The following PTPN13 variants were observed in gnomAD, a reference collection of about 807,000 sequenced individuals.
PTPN13 encodes tyrosine-protein phosphatase non-receptor type 13.
PTPN13 carries 191 observed loss-of-function variants against 284.0 expected under a neutral mutation model. The ratio of observed to expected loss-of-function variants is 0.67; its 90% confidence interval spans 0.60 to 0.76. PTPN13 has a LOEUF of 0.76. PTPN13 is among the 30% of genes least tolerant of loss of function. The pLI is 0.00. For missense variants in PTPN13, 2,797 were observed against 2,939.9 expected, an observed-to-expected ratio of 0.95 and a Z score of 1.12; for synonymous variants, 986 against 1,022.3, an observed-to-expected ratio of 0.96 and a Z score of 0.68.
chr4:86,774,553 G>T, intron 33 of PTPN13, 22 bp downstream of exon 33: 1 of 1,568,196 alleles, frequency 6.4e-7, no homozygotes, highest in Non-Finnish European at 8.6e-7. Context: ...AAGAGGAATG[G>T]ATTATTTGTG....
intron 6 of PTPN13, among the ~76,000 whole-genome samples, chr4:86,695,054 G>A (rs1377616706): frequency 6.6e-6 from 1 of 152,144 alleles, no homozygotes; most frequent in Non-Finnish European, 1.5e-5. Flanking sequence ...AGGAAGGAAT[G>A]TGTAAGTTAA....
chr4:86,678,168 G>A (rs1419853996), intron 3 of PTPN13, among the ~76,000 whole-genome samples: 1 of 152,146 alleles, frequency 6.6e-6, no homozygotes. Context: ...AATGTGTTGT[G>A]GGGAAAGGGT....
intron 26 of PTPN13, among the ~76,000 whole-genome samples, chr4:86,765,820 T>A (rs1739238300): frequency 1.3e-5 from 2 of 151,994 alleles, no homozygotes; most frequent in Non-Finnish European, 2.9e-5. Flanking sequence ...CTACACTTGT[T>A]TTTTTTGTTG....
chr4:86,608,541 T>C (rs1298801204), intron 1 of PTPN13, among the ~76,000 whole-genome samples: 4 of 152,112 alleles, frequency 2.6e-5, no homozygotes, highest in Non-Finnish European at 5.9e-5. Context: ...ATATACTGTT[T>C]AATAAAAATT....
chr4:86,813,646 T>C (rs1578743607), intron 47 of PTPN13, among the ~76,000 whole-genome samples: 1 of 151,956 alleles, frequency 6.6e-6, no homozygotes, highest in South Asian at 2.1e-4. Flanking sequence ...AGGCTGGTCT[T>C]GAACTCCTGG....
chr4:86,633,044 G>A (rs1161344413), intron 1 of PTPN13, among the ~76,000 whole-genome samples: 1 of 152,064 alleles, frequency 6.6e-6, no homozygotes, highest in Non-Finnish European at 1.5e-5. Context: ...GGCCTGAAGC[G>A]ATCCTCCTAC....
At chr4:86,680,589 C>T (rs1728796155) in intron 3 of PTPN13, among the ~76,000 whole-genome samples, 1 of 152,114 alleles carries the variant, frequency 6.6e-6, no homozygotes, top group African/African-American at 2.4e-5. Context: ...ACTCTTATTC[C>T]TGCTTCCTGA....
chr4:86,763,848 G>A (rs1319398263), intron 24 of PTPN13, among the ~76,000 whole-genome samples: 1 of 152,074 alleles, frequency 6.6e-6, no homozygotes, highest in Non-Finnish European at 1.5e-5. Flanking sequence ...AAGCCCAGGC[G>A]ATCGAGCCAG....
intron 10 of PTPN13, among the ~76,000 whole-genome samples, chr4:86,724,570 A>C (rs965044953): frequency 6.6e-6 from 1 of 152,184 alleles, no homozygotes; most frequent in African/African-American, 2.4e-5. Context: ...GTGATTAGAT[A>C]ATTTGAACTA....
intron 2 of PTPN13, among the ~76,000 whole-genome samples, chr4:86,659,139 A>G (rs1225432472): frequency 6.6e-6 from 1 of 152,172 alleles, no homozygotes; most frequent in East Asian, 1.9e-4. Flanking sequence ...TAAACATCAT[A>G]TATAATTTAA....
chr4:86,693,638 A>G lies in PTPN13; in HGVS notation c.598A>G (p.Ile200Val). 3 of 1,557,800 alleles carry G rather than the reference A, an allele frequency of 1.9e-6. No individual in the cohort carries two copies. The highest frequency in any genetic ancestry group is 2.6e-6 in the Non-Finnish European group (3 of 1,148,268). The change falls in exon 6 of 48, where the codon ATT becomes GTT. Residue 200 changes from isoleucine (I) to valine (V), a missense_variant. Coordinates refer to ENST00000411767, the MANE Select transcript of PTPN13 (RefSeq NM_080683.3). ...ACAAAAGCCTGATCGAAGCCAGGCT[A>G]TTCGAGATCGATTGCGAGGAAAAGG... ...SEQKPDRSQA[I>V]RDRLRGKGLP... is the part of the protein sequence containing the mutation.
At chr4:86,688,902 A>G in intron 4 of PTPN13, 103 bp from the exon 5 acceptor site, 1 of 779,416 alleles carries the variant, frequency 1.3e-6, no homozygotes, top group South Asian at 2.4e-5. Context: ...AAGTATGTGA[A>G]GTGTGTTTTA....
At chr4:86,622,857 T>G (rs1361445217) in intron 1 of PTPN13, among the ~76,000 whole-genome samples, 2 of 152,188 alleles carry the variant, frequency 1.3e-5, no homozygotes, top group Admixed American at 1.3e-4. Context: ...ACTTAGCATC[T>G]TCACTTGAAT....
At chr4:86,786,259 T>C (rs1406541005) in intron 40 of PTPN13, among the ~76,000 whole-genome samples, 1 of 152,172 alleles carries the variant, frequency 6.6e-6, no homozygotes, top group Admixed American at 6.5e-5. Context: ...AAGCATGAAA[T>C]AGTAGATAAA....
At chr4:86,665,492 T>C (rs1327711340) in intron 2 of PTPN13, among the ~76,000 whole-genome samples, 1 of 152,160 alleles carries the variant, frequency 6.6e-6, no homozygotes, top group Admixed American at 6.6e-5. Context: ...AAACACCAAT[T>C]TGACAAATGT....
At chr4:86,738,863 T>C (rs1735832982) in intron 15 of PTPN13, among the ~76,000 whole-genome samples, 2 of 152,130 alleles carry the variant, frequency 1.3e-5, no homozygotes, top group South Asian at 4.1e-4. Flanking sequence ...GTATTTTTCA[T>C]AGGGACAGGA....
Position 86,797,616 on chromosome 4 carries a change from A to G in PTPN13, c.6401+687A>G, listed in dbSNP as rs552477857. Reference sequence around the variant, plus strand: ...AATATTCTCTTAACTATTGGAAAAAATGAATGAAAGCGTGACCCTAAATGG... The same window carrying G: ...AATATTCTCTTAACTATTGGAAAAAGTGAATGAAAGCGTGACCCTAAATGG... On this transcript the variant is annotated intron_variant, in intron 41 of 47. Transcript: ENST00000411767. Among the ~76,000 whole-genome samples the G allele has an allele frequency of 5.3e-5, 8 of 152,314 alleles. No homozygotes were observed. The East Asian group carries it at 1.5e-3, about 29-fold the overall frequency.
At chr4:86,767,371 A>G (rs10213021) in intron 27 of PTPN13, among the ~76,000 whole-genome samples, 12,466 of 151,396 alleles carry the variant, frequency 0.082, 652 homozygotes, top group Non-Finnish European at 0.11. Context: ...TCGGCCTGTC[A>G]AGTAGCTGGG....
chr4:86,723,891 T>C (rs539509383), intron 10 of PTPN13, among the ~76,000 whole-genome samples: 2 of 152,352 alleles, frequency 1.3e-5, no homozygotes, highest in East Asian at 3.9e-4. Flanking sequence ...TATTACCCTA[T>C]ACTGTTTTCA....
Sources: gnomAD v4.1 joint callset for allele counts (sites outside exome capture counted in the v4.1 genomes callset) on GRCh38, gnomAD v4.1.1 for gene constraint, MANE v1.5 for transcripts, NCBI Gene and HGNC (gene_info 2026-07-23, HGNC 2026-07-21) for gene names.